The following IL1RAPL2 variants were observed in gnomAD, a reference collection of about 807,000 sequenced individuals.
IL1RAPL2 encodes interleukin 1 receptor accessory protein like 2, also known as X-linked interleukin-1 receptor accessory protein-like 2.
Under a neutral mutation model 44.1 loss-of-function variants are expected in IL1RAPL2, and 3 were observed. That is an observed-to-expected ratio of 0.07 (90% confidence interval 0.03 to 0.18). IL1RAPL2 has a LOEUF of 0.18. Ranked by LOEUF, IL1RAPL2 falls within the 10% of genes least tolerant of loss-of-function variation. The pLI is 1.00. For missense variants in IL1RAPL2, 391 were observed against 496.4 expected (o/e 0.79, Z 2.02); for synonymous variants, 181 against 178.8 (o/e 1.01, Z -0.10).
At chrX:105,053,783 A>G (rs757769111) in intron 2 of IL1RAPL2, among the ~76,000 whole-genome samples, 5 of 111,998 alleles carry the variant, frequency 4.5e-5, no homozygotes, top group Non-Finnish European at 9.4e-5. Flanking sequence ...TTTAAATAAA[A>G]CCAAAACACT....
Position 105,578,269 on chromosome X carries a change from A to G in IL1RAPL2, c.772+93882A>G, listed in dbSNP as rs759416238. On this transcript the variant is annotated intron_variant, in intron 6 of 10. Coordinates refer to ENST00000372582, the MANE Select transcript of IL1RAPL2 (RefSeq NM_017416.2). ...TGTCTCACATTGGGGATAGTTTGTA[A>G]AACAAACTGCAGATTTTGGAGGAGG... Among the ~76,000 whole-genome samples the G allele has an allele frequency of 4.5e-5, 5 of 110,942 alleles. No homozygotes were observed. The East Asian group carries it at 1.4e-3, about 32-fold the overall frequency.
intron 5 of IL1RAPL2, among the ~76,000 whole-genome samples, chrX:105,364,124 C>T (rs1007887729): frequency 1.8e-5 from 2 of 111,255 alleles, no homozygotes; most frequent in Non-Finnish European, 3.8e-5. Flanking sequence ...GGTCCAATTT[C>T]GTTCTTCTAC....
At chrX:105,383,129 G>T (rs1156426645) in intron 5 of IL1RAPL2, among the ~76,000 whole-genome samples, 1 of 108,518 alleles carries the variant, frequency 9.2e-6, no homozygotes, top group African/African-American at 3.4e-5. Flanking sequence ...TAAAAAAAAA[G>T]AAAATCACAT....
At chrX:105,748,841 A>G in intron 8 of IL1RAPL2, 119 bp from the exon 9 acceptor site, 2 of 679,172 alleles carry the variant, frequency 2.9e-6, no homozygotes, top group Non-Finnish European at 4.3e-6. Context: ...TACTGCATTA[A>G]GCAAGAATTT....
chrX:105,519,158 T>C (rs978349935), intron 6 of IL1RAPL2, among the ~76,000 whole-genome samples: 1 of 111,994 alleles, frequency 8.9e-6, no homozygotes, highest in African/African-American at 3.2e-5. Context: ...TTTCTCAAAG[T>C]GTGTGAATGT....
At chrX:105,508,140 A>G (rs975537142) in intron 6 of IL1RAPL2, among the ~76,000 whole-genome samples, 1 of 111,249 alleles carries the variant, frequency 9.0e-6, no homozygotes, top group African/African-American at 3.3e-5. Flanking sequence ...ATTTTGTCCC[A>G]AGGAAGAATG....
intron 1 of IL1RAPL2, among the ~76,000 whole-genome samples, chrX:104,583,040 A>G (rs1164028297): frequency 9.3e-6 from 1 of 107,117 alleles, no homozygotes; most frequent in African/African-American, 3.4e-5. Flanking sequence ...AGCATGTGCC[A>G]CCATGCCTGG....
chrX:105,386,532 G>A (rs900347566), intron 5 of IL1RAPL2, among the ~76,000 whole-genome samples: 2 of 111,354 alleles, frequency 1.8e-5, no homozygotes, highest in Admixed American at 9.6e-5. Flanking sequence ...AATCATAAAC[G>A]AATATGTAAA....
intron 2 of IL1RAPL2, among the ~76,000 whole-genome samples, chrX:104,725,828 C>T (rs765834576): frequency 1.3e-4 from 15 of 111,310 alleles, no homozygotes; most frequent in Non-Finnish European, 2.8e-4. Context: ...CTCCTATTCT[C>T]TAGGTTGCCT....
intron 2 of IL1RAPL2, among the ~76,000 whole-genome samples, chrX:104,942,382 G>A (rs1213536350): frequency 9.0e-6 from 1 of 111,421 alleles, no homozygotes; most frequent in Non-Finnish European, 1.9e-5. Flanking sequence ...TCCTTGATCA[G>A]TGGTTTGTAG....
At chrX:105,615,171 A>C (rs2037365068) in intron 6 of IL1RAPL2, among the ~76,000 whole-genome samples, 1 of 111,960 alleles carries the variant, frequency 8.9e-6, no homozygotes, top group Admixed American at 9.5e-5. Context: ...TCCAAAAGAC[A>C]GCCAATAACA....
intron 2 of IL1RAPL2, among the ~76,000 whole-genome samples, chrX:105,080,011 C>A (rs773758208): frequency 1.8e-5 from 2 of 112,283 alleles, no homozygotes; most frequent in African/African-American, 6.5e-5. Flanking sequence ...TGAGAAGTGT[C>A]TGTTCATATC....
intron 2 of IL1RAPL2, among the ~76,000 whole-genome samples, chrX:104,720,464 C>T (rs910347231): frequency 9.0e-6 from 1 of 111,687 alleles, no homozygotes; most frequent in Non-Finnish European, 1.9e-5. Context: ...CATATTTTAG[C>T]TCAAAACAAT....
chrX:104,755,035 C>A (rs1022257871), intron 2 of IL1RAPL2, among the ~76,000 whole-genome samples: 6 of 111,637 alleles, frequency 5.4e-5, no homozygotes, highest in Non-Finnish European at 1.1e-4. Context: ...ATAGTCTCAA[C>A]AAATCATTTA....
chrX:104,674,247 G>C (rs1016626680), intron 2 of IL1RAPL2, among the ~76,000 whole-genome samples: 12 of 111,562 alleles, frequency 1.1e-4, no homozygotes, highest in Non-Finnish European at 2.3e-4. Flanking sequence ...GTCATAGATA[G>C]CTCTTATTAT....
intron 3 of IL1RAPL2, among the ~76,000 whole-genome samples, chrX:105,207,623 T>C (rs185163743): frequency 8.9e-6 from 1 of 111,957 alleles, no homozygotes; most frequent in Non-Finnish European, 1.9e-5. Context: ...TCTCATCCTC[T>C]AGCACTTTTT....
intron 1 of IL1RAPL2, among the ~76,000 whole-genome samples, chrX:104,608,433 G>A (rs1417436703): frequency 9.0e-6 from 1 of 110,694 alleles, no homozygotes; most frequent in Non-Finnish European, 1.9e-5. Flanking sequence ...TGACAATGGG[G>A]TGTTAAAGTT....
intron 1 of IL1RAPL2, among the ~76,000 whole-genome samples, chrX:104,646,346 A>AT (rs57951706): frequency 2.7e-5 from 3 of 109,298 alleles, no homozygotes; most frequent in East Asian, 5.7e-4. Flanking sequence ...AAAAAAAAAA[A>AT]GCATAGCCTC....
intron 6 of IL1RAPL2, among the ~76,000 whole-genome samples, chrX:105,615,447 TA>T (rs2037368110): frequency 7.1e-5 from 8 of 112,088 alleles, no homozygotes; most frequent in Admixed American, 6.6e-4. Context: ...CATCAACAGA[TA>T]AATTAATAAA....
Sources: gnomAD v4.1 joint callset for allele counts (sites outside exome capture counted in the v4.1 genomes callset) on GRCh38, gnomAD v4.1.1 for gene constraint, MANE v1.5 for transcripts, NCBI Gene and HGNC (gene_info 2026-07-23, HGNC 2026-07-21) for gene names.